Variants in CACNG8 observed in about 807,000 individuals in gnomAD.
CACNG8 encodes voltage-dependent calcium channel gamma-8 subunit.
A neutral mutation model predicts 26.9 loss-of-function variants in CACNG8; 5 were observed. The observed-to-expected ratio is 0.19, with a 90% CI of 0.10 to 0.39. The LOEUF (loss-of-function observed/expected upper bound fraction) is 0.39, where lower values mean the gene tolerates loss of function less well. CACNG8 is among the 10% of genes least tolerant of loss of function. The pLI is 1.00. For missense variants in CACNG8, 473 were observed against 609.4 expected, an observed-to-expected ratio of 0.78 and a Z score of 2.36; for synonymous variants, 321 against 296.7, an observed-to-expected ratio of 1.08 and a Z score of -0.84.
At chr19:53,966,305 C>T (rs2069272188) in intron 1 of CACNG8, among the ~76,000 whole-genome samples, 1 of 152,018 alleles carries the variant, frequency 6.6e-6, no homozygotes, top group African/African-American at 2.4e-5. Flanking sequence ...CCAGGCTGGT[C>T]TCGAACTTCT....
rs200934814 is a variant in CACNG8, at chr19:53,982,186, C to G, written c.615C>G (p.Ser205=). 2 of 1,613,420 alleles carry G rather than the reference C, an allele frequency of 1.2e-6. No homozygotes were observed. The highest frequency in any genetic ancestry group is 4.5e-5 in the East Asian group (2 of 44,856). ...AAAACCACTACTCGTACGGCTGGTC[C>G]TTCTACTTCGGCGGGCTGTCGTTCA... Residue 205 remains serine, a synonymous_variant, in exon 4 of 4, where the codon TCC becomes TCG. Coordinates refer to ENST00000270458, the MANE Select transcript of CACNG8 (RefSeq NM_031895.6). The surrounding 1 kb of genome is among the most constrained non-coding windows in gnomAD (Gnocchi z 8.4).
intron 1 of CACNG8, among the ~76,000 whole-genome samples, chr19:53,968,308 G>A (rs193299720): frequency 2.0e-5 from 3 of 151,574 alleles, no homozygotes; most frequent in African/African-American, 4.8e-5. Context: ...CCAGGAAGTC[G>A]AGGCTAAAGT....
Position 53,963,287 on chromosome 19 carries a change from G to T in CACNG8, c.145G>T (p.Ala49Ser). 1.2e-6 allele frequency: 2 copies of T among 1,608,658 alleles called. No homozygotes were observed. The highest frequency in any genetic ancestry group is 8.5e-7 in the Non-Finnish European group (1 of 1,179,164). The change falls in exon 1 of 4, where the codon GCC becomes TCC. Residue 49 changes from alanine (A) to serine (S), a missense_variant. This residue lies in a region of CACNG8 where 69 missense variants were observed against 66.7 expected (regional missense o/e 1.03). Transcript: ENST00000270458. Reference sequence around the variant, plus strand: ...CACTGACTACTGGCTCTACACGCGCGCCCTCATCTGCAACACCACCAACCT... The same window carrying T: ...CACTGACTACTGGCTCTACACGCGCTCCCTCATCTGCAACACCACCAACCT...
At chr19:53,965,848 G>A (rs537796311) in intron 1 of CACNG8, among the ~76,000 whole-genome samples, 6 of 152,068 alleles carry the variant, frequency 3.9e-5, no homozygotes, top group African/African-American at 7.2e-5. Context: ...AAGCTTCCCC[G>A]AGCAGGTGAC....
chr19:53,980,057 C>CGT (rs56223082), intron 3 of CACNG8, 50 bp downstream of exon 3: 30,436 of 1,100,258 alleles, frequency 0.028, 625 homozygotes, highest in African/African-American at 0.14. Context: ...TGGGCGCGCA[C>CGT]GTGTGTGTGT....
chr19:53,977,989 A>AT (rs1272859720), intron 1 of CACNG8, among the ~76,000 whole-genome samples, 157 bp from the exon 2 acceptor site: 1 of 152,106 alleles, frequency 6.6e-6, no homozygotes, highest in Non-Finnish European at 1.5e-5. Context: ...AGTTTGTCCC[A>AT]TATCACGAGT....
At chr19:53,980,150 C>A (rs537548070) in intron 3 of CACNG8, 143 bp downstream of exon 3, 2 of 884,970 alleles carry the variant, frequency 2.3e-6, no homozygotes, top group Admixed American at 3.6e-5. Flanking sequence ...CCCCGAGCAC[C>A]CCCGGGGGCC....
chr19:53,970,051 T>C (rs1347138716), intron 1 of CACNG8, among the ~76,000 whole-genome samples: 1 of 152,180 alleles, frequency 6.6e-6, no homozygotes, highest in East Asian at 1.9e-4. Flanking sequence ...GCGCGGTGGC[T>C]CATGCCTGTA....
intron 1 of CACNG8, among the ~76,000 whole-genome samples, chr19:53,970,083 G>A (rs1029372267): frequency 5.3e-5 from 8 of 152,200 alleles, no homozygotes; most frequent in African/African-American, 1.9e-4. Flanking sequence ...TTGGGAGGCC[G>A]AGGCGGGCGG....
At chr19:53,976,062 G>C (rs1177689155) in intron 1 of CACNG8, among the ~76,000 whole-genome samples, 1 of 152,194 alleles carries the variant, frequency 6.6e-6, no homozygotes, top group Non-Finnish European at 1.5e-5. Context: ...GGAAGTGGTG[G>C]AGGCCAGCGC....
At position 53,983,470 on chromosome 19, in the gene CACNG8, A is replaced by G. The variant is rs1331749165; in HGVS notation, c.*621A>G. ...ACAGAAAGGGCCTTCTCATTCATTCATTCATTACCGGCAATTTATTTGTGC... is the reference window on the plus strand; with the variant it reads ...ACAGAAAGGGCCTTCTCATTCATTCGTTCATTACCGGCAATTTATTTGTGC... On this transcript the variant is annotated 3_prime_UTR_variant, in exon 4 of 4. Transcript: ENST00000270458. 6.6e-6 allele frequency: 1 copy of G among 152,164 alleles called. No individual in the cohort carries two copies. The highest frequency in any genetic ancestry group is 2.4e-5 in the African/African-American group (1 of 41,422). 9.4% of individuals were successfully genotyped at this position (152,164 alleles called of 1,614,324 possible). A position where few individuals can be genotyped will look rare whatever the true frequency, so the allele number is the denominator to read the frequency against.
In CACNG8 at chr19:53,981,064, G is replaced by A. The variant is rs528598931; in HGVS notation, c.509-1016G>A. On this transcript the variant is annotated intron_variant, in intron 3 of 3. Transcript: ENST00000270458. ...GGCGGGGTTTGGTAAGCTGGAGGTG[G>A]GGCCTAGAGTAGAAGGCGGGGCCTG... is the stretch of plus-strand genomic sequence containing the variant. Among the ~76,000 whole-genome samples the A allele has an allele frequency of 1.2e-3, 182 of 152,260 alleles. 1 individual carries two copies. Among genetic ancestry groups the A allele is most frequent in the Admixed American group, 1.7e-3 (26 of 15,298 alleles).
In CACNG8 at chr19:53,963,320, G is replaced by C. The variant is rs565070833; in HGVS notation, c.178G>C (p.Gly60Arg). The C allele has an allele frequency of 6.2e-7, 1 of 1,603,020 alleles. No individual in the cohort carries two copies. The highest frequency in any genetic ancestry group is 1.1e-5 in the South Asian group (1 of 90,700). ...CTGCAACACCACCAACCTCACGGCC[G>C]GCGGCGACGACGGGACCCCCCACCG... The change falls in exon 1 of 4, where the codon GGC becomes CGC. Residue 60 changes from glycine (G) to arginine (R), a missense_variant. Transcript: ENST00000270458.
rs1341712814 is a variant in CACNG8, at chr19:53,984,646, C to T, written c.*1797C>T. On this transcript the variant is annotated 3_prime_UTR_variant, in exon 4 of 4. Coordinates refer to ENST00000270458, the MANE Select transcript of CACNG8 (RefSeq NM_031895.6). The stretch of plus-strand genomic sequence containing the variant: ...ATGAGGCCGGGAAAGTAGCCACAAG[C>T]TAGAGTGTAAAGGTACCAGGGTGGC... The T allele has an allele frequency of 1.3e-5, 2 of 152,540 alleles. No homozygotes were observed. The highest frequency in any genetic ancestry group is 2.9e-5 in the Non-Finnish European group (2 of 68,380). 9.4% of individuals were successfully genotyped at this position (152,540 alleles called of 1,614,324 possible).
chr19:53,981,260 G>A (rs1192732434), intron 3 of CACNG8, among the ~76,000 whole-genome samples: 1 of 152,126 alleles, frequency 6.6e-6, no homozygotes, highest in Non-Finnish European at 1.5e-5. Context: ...AAAAACCCAG[G>A]TTTATAACGT....
chr19:53,982,954 G>T lies in CACNG8; in HGVS notation c.*105G>T, dbSNP rs1160957804. 7.2e-6 allele frequency: 5 copies of T among 693,454 alleles called. No homozygotes were observed. The highest frequency in any genetic ancestry group is 3.8e-6 in the Non-Finnish European group (2 of 522,298). The allele number at this position is 693,454 out of a possible 1,614,324, so 43.0% of individuals were successfully genotyped here. A position where few individuals can be genotyped will look rare whatever the true frequency, so the allele number is the denominator to read the frequency against. On this transcript the variant is annotated 3_prime_UTR_variant, in exon 4 of 4. Coordinates refer to ENST00000270458, the MANE Select transcript of CACNG8 (RefSeq NM_031895.6). The surrounding 1 kb of genome is among the most constrained non-coding windows in gnomAD (Gnocchi z 8.4). Reference sequence around the variant, plus strand: ...CGCCCCCGCTTTCCCCCGTGAGCGCGCTGGAGACTGCTGGGCCCGCCCCAC... The same window carrying T: ...CGCCCCCGCTTTCCCCCGTGAGCGCTCTGGAGACTGCTGGGCCCGCCCCAC...
At chr19:53,972,302 G>A (rs1453083699) in intron 1 of CACNG8, among the ~76,000 whole-genome samples, 3 of 147,840 alleles carry the variant, frequency 2.0e-5, no homozygotes, top group Admixed American at 6.8e-5. Context: ...GGTCTTCTGT[G>A]CCTTTCTTTC....
In CACNG8 at chr19:53,963,164, A is replaced by T; in HGVS notation, c.22A>T (p.Asn8Tyr). The T allele has an allele frequency of 6.5e-7, 1 of 1,549,638 alleles. No homozygotes were observed. Among genetic ancestry groups the T allele is most frequent in the Non-Finnish European group, 8.7e-7 (1 of 1,150,004 alleles). Residue 8 changes from asparagine (N) to tyrosine (Y), a missense_variant, in exon 1 of 4, where the codon AAC (asparagine) becomes TAC (tyrosine). By Grantham distance (143) the Asn-to-Tyr change is moderately radical. This residue lies in a region of CACNG8 where 26 missense variants were observed against 23.8 expected (regional missense o/e 1.09). Transcript: ENST00000270458. Reference sequence around the variant, plus strand: ...CAAACTGGAGTCGCTGAAGCGCTGGAACGAAGAGCGGGGCCTCTGGTGCGA... The same window carrying T: ...CAAACTGGAGTCGCTGAAGCGCTGGTACGAAGAGCGGGGCCTCTGGTGCGA...
chr19:53,969,426 C>CA, intron 1 of CACNG8, among the ~76,000 whole-genome samples: 1 of 140,124 alleles, frequency 7.1e-6, no homozygotes, highest in Admixed American at 7.2e-5. Flanking sequence ...GATTTGTTTA[C>CA]TTTTTTTTTT....
Sources: allele counts gnomAD v4.1 joint callset (sites outside exome capture counted in the v4.1 genomes callset), GRCh38; gene constraint gnomAD v4.1.1; regional missense constraint gnomAD v4.1.1; non-coding constraint Gnocchi (gnomAD v3.1); transcripts MANE v1.5; gene names NCBI Gene and HGNC (gene_info 2026-07-23, HGNC 2026-07-21).